USP22: variants seen among roughly 807,000 people sequenced by gnomAD.
USP22 encodes ubiquitin carboxyl-terminal hydrolase 22.
In USP22, 22 loss-of-function variants were observed where a neutral mutation model predicts 68.1. The observed-to-expected ratio is 0.32, with a 90% CI of 0.23 to 0.46. The LOEUF (loss-of-function observed/expected upper bound fraction) is 0.46. USP22 is among the 20% of genes least tolerant of loss of function. USP22 has a pLI of 1.00. For synonymous variants in USP22, 279 were observed against 274.2 expected (o/e 1.02, Z -0.17); for missense variants, 433 against 695.8 (o/e 0.62, Z 4.25).
chr17:21,020,728 A>G (rs1972146477), intron 3 of USP22, among the ~76,000 whole-genome samples: 2 of 152,358 alleles, frequency 1.3e-5, no homozygotes, highest in South Asian at 4.1e-4. Context: ...AGGGATGTCC[A>G]GATACGGAGT....
Position 21,008,027 on chromosome 17 carries a change from A to G in USP22, c.1104-31T>C, listed in dbSNP as rs1244494939. ...GGCGTTCAAAAAAGACAGGAGCGGT[A>G]AGGGAGATGCAAGAGACAGAAAAAT... On this transcript the variant is annotated intron_variant, in intron 8 of 12. Coordinates refer to ENST00000261497, the MANE Select transcript of USP22 (RefSeq NM_015276.2). The G allele has an allele frequency of 1.9e-6, 3 of 1,607,060 alleles. No homozygotes were observed. In the East Asian group the frequency reaches 6.7e-5, roughly 36 times the overall value.
intron 12 of USP22, 35 bp downstream of exon 12, chr17:21,004,167 A>AC: frequency 6.2e-7 from 1 of 1,605,776 alleles, no homozygotes; most frequent in Non-Finnish European, 8.5e-7. Flanking sequence ...CACCGTAGCC[A>AC]CCGTAGGGCC....
At chr17:21,015,608 A>C (rs1377259793) in intron 6 of USP22, 144 bp downstream of exon 6, 3 of 1,218,118 alleles carry the variant, frequency 2.5e-6, no homozygotes, top group Non-Finnish European at 2.2e-6. Flanking sequence ...CTTCAGAAAC[A>C]AATGACGACA....
At chr17:21,037,165 C>A (rs765451125) in intron 1 of USP22, among the ~76,000 whole-genome samples, 4 of 152,194 alleles carry the variant, frequency 2.6e-5, no homozygotes, top group Non-Finnish European at 5.9e-5. Context: ...AGCATACATT[C>A]AATATCCACA....
chr17:21,041,622 T>A (rs1194136992), intron 1 of USP22, among the ~76,000 whole-genome samples: 1 of 152,186 alleles, frequency 6.6e-6, no homozygotes, highest in Non-Finnish European at 1.5e-5. Flanking sequence ...TTTTTTGAAT[T>A]ACTGCTTAAC....
intron 6 of USP22, among the ~76,000 whole-genome samples, chr17:21,013,304 C>T (rs964604469): frequency 6.6e-6 from 1 of 152,144 alleles, no homozygotes; most frequent in Non-Finnish European, 1.5e-5. Flanking sequence ...GCCAGGTACA[C>T]CCGGGGAAGC....
chr17:21,029,985 A>C (rs576941339), intron 1 of USP22, among the ~76,000 whole-genome samples: 23 of 152,248 alleles, frequency 1.5e-4, no homozygotes, highest in Non-Finnish European at 2.8e-4. Context: ...GATTCCTCTA[A>C]AACAGTCAAC....
At position 21,023,580 on chromosome 17, in the gene USP22, G is replaced by A. The variant is rs116812038; in HGVS notation, c.305-2354C>T. ...GGATGGCTTGAGCCCGGAAGGCAGA[G>A]GCTGCAGTGAGCCAAGACTGCACCA... On this transcript the variant is annotated intron_variant, in intron 2 of 12. Coordinates refer to ENST00000261497, the MANE Select transcript of USP22 (RefSeq NM_015276.2). 8.1e-3 allele frequency among the ~76,000 whole-genome samples: 1,151 copies of A among 142,244 alleles called. 16 individuals are homozygous for A. The highest frequency in any genetic ancestry group is 0.026 in the African/African-American group (1,074 of 40,640). The allele number at this position is 142,244 out of a possible 152,430, so 93.3% of individuals were successfully genotyped here.
chr17:21,034,733 T>G (rs2143637678), intron 1 of USP22, among the ~76,000 whole-genome samples: 1 of 152,294 alleles, frequency 6.6e-6, no homozygotes, highest in East Asian at 1.9e-4. Context: ...TTTGGCTTAA[T>G]ATGGCCCCAA....
intron 1 of USP22, among the ~76,000 whole-genome samples, chr17:21,035,073 G>A (rs948428624): frequency 3.3e-5 from 5 of 152,158 alleles, no homozygotes; most frequent in African/African-American, 9.7e-5. Context: ...ACACTTGGAC[G>A]GAAGCAAACT....
intron 2 of USP22, 53 bp from the exon 3 acceptor site, chr17:21,021,279 G>C: frequency 1.6e-6 from 2 of 1,242,950 alleles, no homozygotes; most frequent in Non-Finnish European, 2.4e-6. Context: ...AACCACAATG[G>C]AAGGCTGGAG....
chr17:21,043,303 C>CCCCCCCCCCCCCCCCCCCCCCTCCCCG (rs1567596626), upstream of USP22: 2 of 53,672 alleles, frequency 3.7e-5, no homozygotes, highest in African/African-American at 7.0e-5. Flanking sequence ...TAGGCCACCC[C>CCCCCCCCCCCCCCCCCCCCCCTCCCCG]CCCCCCCCCC....
At chr17:21,018,421 TA>T in intron 4 of USP22, 1 of 168,260 alleles carries the variant, frequency 5.9e-6, no homozygotes, top group African/African-American at 3.4e-5. Context: ...AACAGGTTTT[TA>T]AAAATGTTCT....
chr17:21,027,427 C>T (rs1193210298), intron 2 of USP22, among the ~76,000 whole-genome samples: 1 of 151,964 alleles, frequency 6.6e-6, no homozygotes, highest in Non-Finnish European at 1.5e-5. Context: ...TATGGACTCG[C>T]ATGTTGTTTC....
intron 7 of USP22, 102 bp downstream of exon 7, chr17:21,012,728 T>G: frequency 9.4e-7 from 1 of 1,066,486 alleles, no homozygotes. Flanking sequence ...TCTCATAGCC[T>G]CCTTAAAGAC....
In USP22 at chr17:21,008,108, T is replaced by C. The variant is rs779016363; in HGVS notation, c.1104-112A>G. On this transcript the variant is annotated intron_variant, in intron 8 of 12. Transcript: ENST00000261497. ...TGGGTTGATTTCCCTACCAAAAACA[T>C]ACACTTACAACTAAAAATGAAACAA... The C allele has an allele frequency of 6.2e-6, 8 of 1,290,278 alleles. 1 individual carries two copies. In the African/African-American group the frequency reaches 7.5e-5, roughly 12 times the overall value. The allele number at this position is 1,290,278 out of a possible 1,614,324, so 79.9% of individuals were successfully genotyped here. A position where few individuals can be genotyped will look rare whatever the true frequency, so the allele number is the denominator to read the frequency against.
At position 21,002,851 on chromosome 17, in the gene USP22, C is replaced by A; in HGVS notation, c.*180G>T. The A allele has an allele frequency of 1.5e-6, 1 of 687,064 alleles. No homozygotes were observed. The highest frequency in any genetic ancestry group is 2.5e-6 in the Non-Finnish European group (1 of 394,970). 42.6% of individuals were successfully genotyped at this position (687,064 alleles called of 1,614,324 possible). A position where few individuals can be genotyped will look rare whatever the true frequency, so the allele number is the denominator to read the frequency against. ...AAAGCAGCTCCAGGAGCCTCCCCGT[C>A]CGTGTGGTCCATCCCGACCCGATGG... On this transcript the variant is annotated 3_prime_UTR_variant, in exon 13 of 13. Transcript: ENST00000261497.
intron 1 of USP22, among the ~76,000 whole-genome samples, chr17:21,038,212 T>C (rs144854610): frequency 1.3e-5 from 2 of 152,044 alleles, no homozygotes; most frequent in East Asian, 1.9e-4. Context: ...CTGGGCAACA[T>C]AGGGAGACTC....
intron 2 of USP22, 54 bp downstream of exon 2, chr17:21,028,488 A>G: frequency 2.5e-6 from 4 of 1,595,888 alleles, no homozygotes; most frequent in Non-Finnish European, 3.4e-6. Flanking sequence ...AAAAAATCAA[A>G]GAGTAGCAAT....
Sources: allele counts gnomAD v4.1 joint callset (sites outside exome capture counted in the v4.1 genomes callset), GRCh38; gene constraint gnomAD v4.1.1; transcripts MANE v1.5; gene names NCBI Gene and HGNC (gene_info 2026-07-23, HGNC 2026-07-21).